Variants in TPCN2 observed in about 807,000 individuals in gnomAD.
TPCN2 encodes two pore channel protein 2.
TPCN2 carries 92 observed loss-of-function variants against 111.4 expected under a neutral mutation model. The observed-to-expected ratio is 0.83, with a 90% CI of 0.70 to 0.98. The LOEUF (loss-of-function observed/expected upper bound fraction) is 0.98. Among genes scored for constraint, TPCN2 ranks in the 50% least tolerant of loss-of-function variants. TPCN2 has a pLI of 0.00. For missense variants in TPCN2, 995 were observed against 980.1 expected (o/e 1.02, Z -0.20); for synonymous variants, 405 against 414.5 (o/e 0.98, Z 0.28).
intron 4 of TPCN2, among the ~76,000 whole-genome samples, chr11:69,057,039 T>C (rs965106624): frequency 3.3e-5 from 5 of 151,792 alleles, no homozygotes; most frequent in African/African-American, 7.3e-5. Flanking sequence ...GGTTTCACCA[T>C]GTTGGCAAGG....
At chr11:69,072,482 G>A (rs1590733651) in intron 11 of TPCN2, 145 bp from the exon 12 acceptor site, 1 of 724,968 alleles carries the variant, frequency 1.4e-6, no homozygotes, top group East Asian at 2.7e-5. Context: ...CAGGATGCTC[G>A]TTACAGGGGC....
At position 69,070,635 on chromosome 11, in the gene TPCN2, C is replaced by T. The variant is rs567938380; in HGVS notation, c.895+140C>T. On this transcript the variant is annotated intron_variant, in intron 9 of 24. Transcript: ENST00000294309. The stretch of plus-strand genomic sequence containing the variant: ...GATCACCCCAGGGATCCCCTGCCAA[C>T]AGCTTTTAACCCCAGAGATCCCCCA... 4.8e-6 allele frequency: 3 copies of T among 630,202 alleles called. No individual in the cohort carries two copies. In the South Asian group the frequency reaches 5.9e-5, roughly 12 times the overall value. 39.0% of individuals were successfully genotyped at this position (630,202 alleles called of 1,614,324 possible).
At chr11:69,067,169 C>T (rs1855308758) in intron 7 of TPCN2, among the ~76,000 whole-genome samples, 1 of 152,236 alleles carries the variant, frequency 6.6e-6, no homozygotes, top group South Asian at 2.1e-4. Context: ...AGCCTCACTG[C>T]TTGCACAGTG....
intron 1 of TPCN2, among the ~76,000 whole-genome samples, chr11:69,050,462 A>G (rs978969558): frequency 6.6e-6 from 1 of 151,996 alleles, no homozygotes; most frequent in Admixed American, 6.6e-5. Flanking sequence ...TGCAGCCTCT[A>G]CCTCTGCTGG....
In TPCN2 at chr11:69,062,868, C is replaced by G; in HGVS notation, c.547-16C>G. ...AAGCACTTGACGTGGTCCTCAGTTT[C>G]CTGGGTCTCTTCCAGCCCCTGCGGA... On this transcript the variant is annotated splice_polypyrimidine_tract_variant and intron_variant, in intron 5 of 24. Transcript: ENST00000294309. The G allele has an allele frequency of 1.2e-6, 2 of 1,612,914 alleles. No individual in the cohort carries two copies. Among genetic ancestry groups the G allele is most frequent in the East Asian group, 2.2e-5 (1 of 44,852 alleles).
intron 8 of TPCN2, among the ~76,000 whole-genome samples, chr11:69,070,225 A>G (rs1015790156): frequency 4.0e-5 from 6 of 151,856 alleles, no homozygotes; most frequent in Admixed American, 2.0e-4. Flanking sequence ...GAGTTTTACT[A>G]TGTTGGCCAG....
chr11:69,070,906 A>T (rs1243390012), intron 9 of TPCN2, among the ~76,000 whole-genome samples: 9 of 122,140 alleles, frequency 7.4e-5, no homozygotes, highest in African/African-American at 2.9e-4. Context: ...CACCCCAGGG[A>T]TCCCTCACCA....
intron 5 of TPCN2, among the ~76,000 whole-genome samples, chr11:69,059,237 C>A (rs571792818): frequency 3.9e-4 from 60 of 152,178 alleles, no homozygotes; most frequent in African/African-American, 1.4e-3. Context: ...CCCAGAGGAC[C>A]CCCACCCAGC....
chr11:69,071,443 G>C, intron 10 of TPCN2, 23 bp downstream of exon 10: 1 of 1,608,160 alleles, frequency 6.2e-7, no homozygotes, highest in Non-Finnish European at 8.5e-7. Flanking sequence ...CCCAATGCTG[G>C]CTGTGCCTGG....
At chr11:69,079,185 C>T in intron 16 of TPCN2, 165 bp downstream of exon 16, 1 of 871,544 alleles carries the variant, frequency 1.1e-6, no homozygotes, top group Non-Finnish European at 1.7e-6. Flanking sequence ...CCGAGTTGCT[C>T]AGTGGGCAGC....
chr11:69,057,759 C>T lies in TPCN2; in HGVS notation c.546+65C>T, dbSNP rs550711914. On this transcript the variant is annotated intron_variant, in intron 5 of 24. Coordinates refer to ENST00000294309, the MANE Select transcript of TPCN2 (RefSeq NM_139075.4). ...GGGGCTGGTGTGGGTGCAAGGCCCACGGGGGTGCTGGGATGGAGCCCTGAG... is the reference window on the plus strand; with the variant it reads ...GGGGCTGGTGTGGGTGCAAGGCCCATGGGGGTGCTGGGATGGAGCCCTGAG... 3,342 of 1,475,746 alleles carry T rather than the reference C, an allele frequency of 2.3e-3. 8 individuals are homozygous for T. Among genetic ancestry groups the T allele is most frequent in the Non-Finnish European group, 3.0e-3 (3,210 of 1,054,528 alleles). 91.4% of individuals were successfully genotyped at this position (1,475,746 alleles called of 1,614,324 possible). A position where few individuals can be genotyped will look rare whatever the true frequency, so the allele number is the denominator to read the frequency against.
At chr11:69,073,698 C>T (rs1342656008) in intron 13 of TPCN2, among the ~76,000 whole-genome samples, 2 of 152,246 alleles carry the variant, frequency 1.3e-5, no homozygotes, top group Non-Finnish European at 2.9e-5. Context: ...TGTCACAGGG[C>T]TGGTTCCTCC....
rs1284548057 is a variant in TPCN2 at position 69,081,425 on chromosome 11, T to C, written c.1615T>C (p.Ser539Pro). ...GAGGCCGGAGATGGTGGGCCTGCTG[T>C]CGCTGTGGGACATGACCCGCATGCT... ...GWRPEMVGLL[S>P]LWDMTRMLNM... Residue 539 changes from serine to proline, a missense_variant, in exon 18 of 25, where the codon TCG becomes CCG. Physicochemically the swap from Ser to Pro is moderately conservative, Grantham distance 74. Coordinates refer to ENST00000294309, the MANE Select transcript of TPCN2 (RefSeq NM_139075.4). 9 of 1,561,522 alleles carry C rather than the reference T, an allele frequency of 5.8e-6. No individual in the cohort carries two copies. Among genetic ancestry groups the C allele is most frequent in the Non-Finnish European group, 6.9e-6 (8 of 1,153,452 alleles).
chr11:69,071,164 C>A (rs1383848724), intron 9 of TPCN2, among the ~76,000 whole-genome samples, 192 bp from the exon 10 acceptor site: 1 of 144,628 alleles, frequency 6.9e-6, no homozygotes, highest in Non-Finnish European at 1.5e-5. Flanking sequence ...CCAGGGATCC[C>A]CCACCCCACA....
At chr11:69,077,813 C>T (rs373394062) in intron 13 of TPCN2, among the ~76,000 whole-genome samples, 2 of 152,318 alleles carry the variant, frequency 1.3e-5, no homozygotes, top group South Asian at 2.1e-4. Flanking sequence ...GTACTTGACA[C>T]GTGGCTGTTG....
At chr11:69,054,319 G>A in intron 2 of TPCN2, 1 of 589,514 alleles carries the variant, frequency 1.7e-6, no homozygotes. Context: ...GTGTTCTGAG[G>A]CCTGTTGTGG....
chr11:69,086,264 C>T (rs1239909537), intron 22 of TPCN2, among the ~76,000 whole-genome samples: 3 of 152,240 alleles, frequency 2.0e-5, no homozygotes, highest in Admixed American at 6.5e-5. Flanking sequence ...GCTTGAAGAG[C>T]TCAGACTGGC....
chr11:69,078,628 G>T, intron 14 of TPCN2, 27 bp downstream of exon 14: 2 of 1,613,740 alleles, frequency 1.2e-6, no homozygotes, highest in Non-Finnish European at 8.5e-7. Flanking sequence ...CCCAGAGCTG[G>T]CACGGAAGTG....
chr11:69,086,736 G>C, intron 23 of TPCN2, 132 bp downstream of exon 23: 1 of 826,926 alleles, frequency 1.2e-6, no homozygotes, highest in Non-Finnish European at 2.0e-6. Context: ...GGCGGGTCCT[G>C]AGTGAGGCTG....
Sources: gnomAD v4.1 joint callset for allele counts (sites outside exome capture counted in the v4.1 genomes callset) on GRCh38, gnomAD v4.1.1 for gene constraint, MANE v1.5 for transcripts, NCBI Gene and HGNC (gene_info 2026-07-23, HGNC 2026-07-21) for gene names.